Variants in MICAL3 observed in about 807,000 individuals in gnomAD.
MICAL3 encodes microtubule associated monooxygenase, calponin and LIM domain containing 3.
A neutral mutation model predicts 207.4 loss-of-function variants in MICAL3; 62 were observed. The ratio of observed to expected loss-of-function variants is 0.30; its 90% CI spans 0.24 to 0.37. MICAL3 has a LOEUF of 0.37. Among genes scored for constraint, MICAL3 ranks in the 10% least tolerant of loss-of-function variants. The pLI is 1.00. For missense variants in MICAL3, 2,368 were observed against 2,635.6 expected (o/e 0.90, Z 2.22); for synonymous variants, 1,077 against 1,069.3 (o/e 1.01, Z -0.14).
chr22:17,874,503 T>G (rs1161832068), intron 16 of MICAL3, among the ~76,000 whole-genome samples: 3 of 152,086 alleles, frequency 2.0e-5, no homozygotes, highest in Admixed American at 2.0e-4. Context: ...CTAAACCATC[T>G]GGGTTTAGTT....
intron 1 of MICAL3, among the ~76,000 whole-genome samples, chr22:17,983,971 C>T (rs564598558): frequency 6.6e-6 from 1 of 152,262 alleles, no homozygotes; most frequent in South Asian, 2.1e-4. Flanking sequence ...TGGGGCAAAA[C>T]GCAAATCATC....
rs547909902 is a variant in MICAL3, at chr22:17,887,470, C to A, written c.1892-35G>T. 1.0e-5 allele frequency: 15 copies of A among 1,495,552 alleles called. No homozygotes were observed. In the African/African-American group the frequency reaches 1.4e-4, roughly 14 times the overall value. 92.6% of individuals were successfully genotyped at this position (1,495,552 alleles called of 1,614,324 possible). A position where few individuals can be genotyped will look rare whatever the true frequency, so the allele number is the denominator to read the frequency against. ...GAAACCAGTGATGTTCAAGCACAGC[C>A]CTTGAGGGCGCCGCAAAATCCTGAC... On this transcript the variant is annotated intron_variant, in intron 13 of 31. Coordinates refer to ENST00000441493, the MANE Select transcript of MICAL3 (RefSeq NM_015241.3).
chr22:17,886,014 G>T lies in MICAL3; in HGVS notation c.2105C>A (p.Thr702Asn). Residue 702 changes from threonine to asparagine, a missense_variant, in exon 16 of 32, where the codon ACC (threonine) becomes AAC (asparagine). Transcript: ENST00000441493. ...APRGHRGERPTLVSTLTDRRM... is the reference protein window; with the variant it reads ...APRGHRGERPNLVSTLTDRRM... ...CCTGTCTGTCAGAGTGCTCACCAGG[G>T]TCGGTCTTTCTCCTCTGTGGCCCCG... 6.2e-7 allele frequency: 1 copy of T among 1,614,028 alleles called. No individual in the cohort carries two copies. Among genetic ancestry groups the T allele is most frequent in the Non-Finnish European group, 8.5e-7 (1 of 1,179,910 alleles).
intron 20 of MICAL3, among the ~76,000 whole-genome samples, chr22:17,832,931 A>T (rs1922960618): frequency 1.3e-5 from 2 of 152,234 alleles, no homozygotes; most frequent in African/African-American, 4.8e-5. Flanking sequence ...GCAAAGCCAC[A>T]GGACAGAGAC....
At chr22:17,871,444 C>G (rs189589448) in intron 17 of MICAL3, among the ~76,000 whole-genome samples, 2 of 152,342 alleles carry the variant, frequency 1.3e-5, no homozygotes, top group Admixed American at 1.3e-4. Context: ...CCAGCTCCAA[C>G]TTGCTGTCAT....
rs866310917 is a variant in MICAL3 at position 17,796,806 on chromosome 22, C to T, written c.5651-5505G>A. ...GAATCCAGGCCTGGCCTTCCTAAGT[C>T]GGGGTACCCCCTACACTACCACCTG... On this transcript the variant is annotated intron_variant, in intron 29 of 31. Transcript: ENST00000441493. The surrounding 1 kb of genome is among the most constrained non-coding windows in gnomAD (Gnocchi z 4.4). Among the ~76,000 whole-genome samples, 4 of 152,136 alleles carry T rather than the reference C, an allele frequency of 2.6e-5. No individual in the cohort carries two copies. The highest frequency in any genetic ancestry group is 5.9e-5 in the Non-Finnish European group (4 of 68,026).
In MICAL3 at chr22:17,900,972, G is replaced by A; in HGVS notation, c.717C>T (p.Gly239=). The stretch of plus-strand genomic sequence containing the variant: ...TTGCCGTGATGGCGATGGCCAGTTT[G>A]CCACGGAATTCTTTCCGACGAAACC... ...LEGFRRKEFR[G]KLAIAITANF... The change falls in exon 6 of 32, where the codon GGC becomes GGT. Residue 239 remains glycine, a synonymous_variant. Transcript: ENST00000441493. The surrounding 1 kb of genome is among the most constrained non-coding windows in gnomAD (Gnocchi z 4.0). 1 of 1,613,998 alleles carries A rather than the reference G, an allele frequency of 6.2e-7. No individual in the cohort carries two copies. The highest frequency in any genetic ancestry group is 1.1e-5 in the South Asian group (1 of 91,084).
chr22:18,003,131 G>A (rs1034339768), intron 1 of MICAL3, among the ~76,000 whole-genome samples: 3 of 148,928 alleles, frequency 2.0e-5, no homozygotes, highest in Admixed American at 6.8e-5. Context: ...CTGCACTCCA[G>A]CCTGGGCAAC....
In MICAL3 at chr22:17,787,834, AG is replaced by A. The variant is rs1241068838; in HGVS notation, c.*2897del. The A allele has an allele frequency of 6.6e-6, 1 of 152,258 alleles. No individual in the cohort carries two copies. The highest frequency in any genetic ancestry group is 2.4e-5 in the African/African-American group (1 of 41,472). The allele number at this position is 152,258 out of a possible 1,614,324, so 9.4% of individuals were successfully genotyped here. ...GCCTGAGGATGGCCGCCAGGGACAG[AG>A]GCCTGAAGGCATCATCTGGGCAGGC... On this transcript the variant is annotated 3_prime_UTR_variant, in exon 32 of 32. Coordinates refer to ENST00000441493, the MANE Select transcript of MICAL3 (RefSeq NM_015241.3).
At chr22:17,968,782 C>T (rs1228421451) in intron 1 of MICAL3, among the ~76,000 whole-genome samples, 3 of 152,090 alleles carry the variant, frequency 2.0e-5, no homozygotes, top group Non-Finnish European at 4.4e-5. Context: ...TAAAGGAGCT[C>T]GAGGGGAGTT....
At chr22:18,018,578 A>G (rs965840806) in intron 1 of MICAL3, among the ~76,000 whole-genome samples, 1 of 151,970 alleles carries the variant, frequency 6.6e-6, no homozygotes, top group South Asian at 2.1e-4. Flanking sequence ...AAAAATTAGC[A>G]GGGTATGGTG....
At chr22:17,967,589 T>C (rs1935208405) in intron 1 of MICAL3, among the ~76,000 whole-genome samples, 1 of 152,040 alleles carries the variant, frequency 6.6e-6, no homozygotes, top group East Asian at 1.9e-4. Context: ...ACAAATTCAG[T>C]TCAATACATT....
chr22:17,936,230 G>A lies in MICAL3; in HGVS notation c.-74-29344C>T, dbSNP rs1028169788. 1.2e-4 allele frequency among the ~76,000 whole-genome samples: 18 copies of A among 152,272 alleles called. No homozygotes were observed. The East Asian group carries it at 2.9e-3, about 24-fold the overall frequency. ...AGAAAATGTGGCACACATACACCAC[G>A]GAATACTATGCAGCCATAAAAAGGA... is the stretch of plus-strand genomic sequence containing the variant. On this transcript the variant is annotated intron_variant, in intron 1 of 31. Transcript: ENST00000441493.
intron 5 of MICAL3, 25 bp from the exon 6 acceptor site, chr22:17,901,022 G>A: frequency 6.2e-7 from 1 of 1,612,226 alleles, no homozygotes; most frequent in Non-Finnish European, 8.5e-7. Flanking sequence ...ATTTTCAGAG[G>A]TGATAATCAT....
intron 1 of MICAL3, among the ~76,000 whole-genome samples, chr22:17,976,444 C>T (rs1695824966): frequency 1.3e-5 from 2 of 151,668 alleles, no homozygotes; most frequent in Admixed American, 1.3e-4. Flanking sequence ...GAACCAATCA[C>T]TGTGTTCAGC....
intron 1 of MICAL3, among the ~76,000 whole-genome samples, chr22:17,987,682 C>T (rs1389538232): frequency 1.3e-5 from 2 of 152,238 alleles, no homozygotes; most frequent in South Asian, 2.1e-4. Context: ...ACAGCACTGT[C>T]ACTGGGAACT....
chr22:17,830,228 A>C (rs1197178742), intron 21 of MICAL3, among the ~76,000 whole-genome samples: 2 of 152,132 alleles, frequency 1.3e-5, no homozygotes, highest in African/African-American at 4.8e-5. Context: ...AGGGAAGAGA[A>C]GGGAGTAGTG....
Position 17,906,839 on chromosome 22 carries a change from AG to A in MICAL3, c.-28del. 1 of 1,550,338 alleles carries A rather than the reference AG, an allele frequency of 6.5e-7. No homozygotes were observed. Among genetic ancestry groups the A allele is most frequent in the Non-Finnish European group, 8.7e-7 (1 of 1,147,956 alleles). On this transcript the variant is annotated 5_prime_UTR_variant, in exon 2 of 32. Transcript: ENST00000441493. ...CTGCCTCACTCTCAGCACTCCCCAG[AG>A]GGGGAGGTGGGATGGCTGTGGGTCC...
intron 19 of MICAL3, chr22:17,860,606 A>C: frequency 3.0e-6 from 3 of 985,480 alleles, no homozygotes; most frequent in Non-Finnish European, 3.6e-6. Flanking sequence ...TGCACTAACC[A>C]CCAAAAGATA....
Sources: gnomAD v4.1 joint callset for allele counts (sites outside exome capture counted in the v4.1 genomes callset) on GRCh38, gnomAD v4.1.1 for gene constraint, Gnocchi (gnomAD v3.1) non-coding constraint, MANE v1.5 for transcripts, NCBI Gene and HGNC (gene_info 2026-07-23, HGNC 2026-07-21) for gene names.